Variants in CDC5L observed in about 807,000 individuals in gnomAD.
CDC5L encodes cell division cycle 5-like protein.
A neutral mutation model predicts 104.1 loss-of-function variants in CDC5L; 18 were observed. The observed-to-expected ratio is 0.17, with a 90% CI of 0.12 to 0.26. The LOEUF (loss-of-function observed/expected upper bound fraction) is 0.26, where lower values mean the gene tolerates loss of function less well. Ranked by LOEUF, CDC5L falls within the 10% of genes least tolerant of loss-of-function variation. The probability of loss-of-function intolerance (pLI) is 1.00; values close to 1 mark genes in which losing one functional copy is unlikely to be tolerated. For missense variants in CDC5L, 673 were observed against 956.9 expected (o/e 0.70, Z 3.91); for synonymous variants, 331 against 322.7 (o/e 1.03, Z -0.28).
chr6:44,443,109 CCTT>C (rs1418033093), intron 14 of CDC5L, among the ~76,000 whole-genome samples: 2 of 149,952 alleles, frequency 1.3e-5, no homozygotes, highest in Non-Finnish European at 3.0e-5. Context: ...TTCCTTCCTT[CCTT>C]CTTTTCTTTT....
At position 44,391,874 on chromosome 6, in the gene CDC5L, G is replaced by C. The variant is rs544792512; in HGVS notation, c.150-793G>C. Among the ~76,000 whole-genome samples, 6 of 152,282 alleles carry C rather than the reference G, an allele frequency of 3.9e-5. No individual in the cohort carries two copies. In the East Asian group the frequency reaches 1.2e-3, roughly 29 times the overall value. ...GTACAAAAATTAGCCAGGCGTGGTG[G>C]CTACTTGGGAGGCTGAGGTGGGAGG... On this transcript the variant is annotated intron_variant, in intron 2 of 15. Coordinates refer to ENST00000371477, the MANE Select transcript of CDC5L (RefSeq NM_001253.4).
At chr6:44,446,237 A>T (rs1158439539) in intron 15 of CDC5L, among the ~76,000 whole-genome samples, 3 of 152,258 alleles carry the variant, frequency 2.0e-5, no homozygotes, top group Admixed American at 6.5e-5. Context: ...TGCTGGGAAC[A>T]TAGCTAGTCC....
At chr6:44,409,776 T>G (rs1255746598) in intron 8 of CDC5L, among the ~76,000 whole-genome samples, 1 of 152,194 alleles carries the variant, frequency 6.6e-6, no homozygotes, top group Non-Finnish European at 1.5e-5. Context: ...TATAGCTTGT[T>G]CTTTTGATTT....
chr6:44,409,780 T>C (rs1161556378), intron 8 of CDC5L, among the ~76,000 whole-genome samples: 2 of 152,188 alleles, frequency 1.3e-5, no homozygotes, highest in Non-Finnish European at 2.9e-5. Flanking sequence ...GCTTGTTCTT[T>C]TGATTTCCCT....
intron 15 of CDC5L, 38 bp from the exon 16 acceptor site, chr6:44,446,569 T>G: frequency 1.0e-6 from 1 of 978,542 alleles, no homozygotes; most frequent in Non-Finnish European, 1.5e-6. Flanking sequence ...TTCAGTATAG[T>G]TACATCTAAA....
intron 14 of CDC5L, among the ~76,000 whole-genome samples, chr6:44,445,114 G>T (rs754150097): frequency 1.3e-5 from 2 of 152,154 alleles, no homozygotes; most frequent in Admixed American, 6.5e-5. Flanking sequence ...GAAAGTACTT[G>T]CATGCTTGAT....
chr6:44,441,400 A>T (rs1344441487), intron 14 of CDC5L, among the ~76,000 whole-genome samples: 1 of 152,200 alleles, frequency 6.6e-6, no homozygotes, highest in African/African-American at 2.4e-5. Flanking sequence ...GCTGTTGTGG[A>T]TAATGCTGTA....
chr6:44,406,633 G>A (rs1258077186), intron 7 of CDC5L, among the ~76,000 whole-genome samples, 166 bp downstream of exon 7: 1 of 152,224 alleles, frequency 6.6e-6, no homozygotes, highest in Admixed American at 6.5e-5. Flanking sequence ...TGGGCTGGCT[G>A]TGGTGGCCCA....
At chr6:44,422,058 A>C (rs1031335720) in intron 9 of CDC5L, among the ~76,000 whole-genome samples, 1 of 152,224 alleles carries the variant, frequency 6.6e-6, no homozygotes, top group African/African-American at 2.4e-5. Context: ...TAATTAAAAT[A>C]TAGGTTGCTG....
At chr6:44,440,543 A>T (rs1411392045) in intron 14 of CDC5L, among the ~76,000 whole-genome samples, 1 of 151,968 alleles carries the variant, frequency 6.6e-6, no homozygotes, top group Non-Finnish European at 1.5e-5. Context: ...GCACCTGGCC[A>T]TATTTTTAAA....
intron 13 of CDC5L, among the ~76,000 whole-genome samples, chr6:44,427,835 T>C (rs1279701409): frequency 6.6e-6 from 1 of 152,206 alleles, no homozygotes; most frequent in Non-Finnish European, 1.5e-5. Flanking sequence ...AAGAGGAATT[T>C]AGGAAATAAA....
rs189633452 is a variant in CDC5L, at chr6:44,445,655, A to G, written c.2092A>G (p.Ile698Val). The change falls in exon 15 of 16, where the codon ATA becomes GTA. Residue 698 changes from isoleucine (I) to valine (V), a missense_variant and splice_region_variant. By Grantham distance (29) the Ile-to-Val change is conservative. Around this residue, in one of 4 missense-constraint regions of CDC5L, gnomAD observed 578 missense variants for 737.0 expected, o/e 0.78. Transcript: ENST00000371477. ...RIESLEKRLE[I>V]NRGHMTTEAK... Reference sequence around the variant, plus strand: ...GATGTGATCTTCCCCTGCTCTCCAGATAAACAGGGGTCACATGACGACAGA... The same window carrying G: ...GATGTGATCTTCCCCTGCTCTCCAGGTAAACAGGGGTCACATGACGACAGA... 6.2e-7 allele frequency: 1 copy of G among 1,610,428 alleles called. No homozygotes were observed. The highest frequency in any genetic ancestry group is 2.2e-5 in the East Asian group (1 of 44,850).
Position 44,448,070 on chromosome 6 carries a change from A to G in CDC5L, c.*1359A>G, listed in dbSNP as rs1793515828. On this transcript the variant is annotated 3_prime_UTR_variant, in exon 16 of 16. Coordinates refer to ENST00000371477, the MANE Select transcript of CDC5L (RefSeq NM_001253.4). ...GCACTGTGCCGCACCGTACCACTAT[A>G]AGCTGCACGGCCAAAGAGACCTCTT... The G allele has an allele frequency of 6.6e-6, 1 of 152,190 alleles. No homozygotes were observed. The highest frequency in any genetic ancestry group is 1.5e-5 in the Non-Finnish European group (1 of 68,028). 9.4% of individuals were successfully genotyped at this position (152,190 alleles called of 1,614,324 possible).
intron 8 of CDC5L, among the ~76,000 whole-genome samples, chr6:44,413,434 G>T (rs1020131343): frequency 4.6e-5 from 7 of 152,076 alleles, no homozygotes; most frequent in Non-Finnish European, 7.4e-5. Flanking sequence ...TGACTGTTAG[G>T]AATAATGCTG....
chr6:44,448,111 A>G lies in CDC5L; in HGVS notation c.*1400A>G, dbSNP rs1263709251. On this transcript the variant is annotated 3_prime_UTR_variant, in exon 16 of 16. Transcript: ENST00000371477. ...GAGACCTCTTAAAGAAGTAACATTT[A>G]AGATAACATGTGATTGACATTTTAG... 1.3e-5 allele frequency: 2 copies of G among 149,186 alleles called. No individual in the cohort carries two copies. The highest frequency in any genetic ancestry group is 2.9e-5 in the Non-Finnish European group (2 of 67,862). 9.2% of individuals were successfully genotyped at this position (149,186 alleles called of 1,614,324 possible). A position where few individuals can be genotyped will look rare whatever the true frequency, so the allele number is the denominator to read the frequency against.
At chr6:44,422,874 A>G (rs373427878) in intron 10 of CDC5L, 65 bp downstream of exon 10, 11 of 1,116,404 alleles carry the variant, frequency 9.9e-6, no homozygotes, top group African/African-American at 1.6e-5. Flanking sequence ...TGCCAAATTA[A>G]AATTTCTCCT....
intron 8 of CDC5L, among the ~76,000 whole-genome samples, chr6:44,414,597 A>G (rs578150677): frequency 4.6e-5 from 7 of 151,850 alleles, no homozygotes; most frequent in African/African-American, 1.7e-4. Flanking sequence ...GAGTCTCCCA[A>G]AGTGCTAGAA....
At chr6:44,411,942 GAC>G (rs1256278076) in intron 8 of CDC5L, among the ~76,000 whole-genome samples, 1 of 152,168 alleles carries the variant, frequency 6.6e-6, no homozygotes, top group African/African-American at 2.4e-5. Flanking sequence ...AGCCTGTTCG[GAC>G]AGACTGGGAA....
chr6:44,442,979 G>A (rs1436146577), intron 14 of CDC5L, among the ~76,000 whole-genome samples: 1 of 147,912 alleles, frequency 6.8e-6, no homozygotes, highest in Non-Finnish European at 1.5e-5. Flanking sequence ...TGAAATACAG[G>A]GTTGCTGGGT....
Sources: gnomAD v4.1 joint callset for allele counts (sites outside exome capture counted in the v4.1 genomes callset) on GRCh38, gnomAD v4.1.1 for gene constraint, gnomAD v4.1.1 regional missense constraint, MANE v1.5 for transcripts, NCBI Gene and HGNC (gene_info 2026-07-23, HGNC 2026-07-21) for gene names.